Variants in ZNF365 observed in about 807,000 individuals in gnomAD.
The protein encoded by ZNF365 is zinc finger protein 365, also known as protein ZNF365.
ZNF365 carries 22 observed loss-of-function variants against 35.0 expected under a neutral mutation model. The ratio of observed to expected loss-of-function variants is 0.63; its 90% CI spans 0.45 to 0.90. The LOEUF (loss-of-function observed/expected upper bound fraction) is 0.90. Among genes scored for constraint, ZNF365 ranks in the 40% least tolerant of loss-of-function variants. The pLI is 0.00. For synonymous variants in ZNF365, 188 were observed against 196.2 expected, an observed-to-expected ratio of 0.96 and a Z score of 0.35; for missense variants, 448 against 500.3, an observed-to-expected ratio of 0.90 and a Z score of 1.00.
In ZNF365 at chr10:62,399,788, A is replaced by G; in HGVS notation, c.1223A>G (p.Ter408=). ...KKPTAIVNII[*] ...CCAACAGCCATTGTGAACATCATCT[A>G]AAAGGGTGGGTGGTGCTGGACCAAT... is the stretch of plus-strand genomic sequence containing the variant. Residue 408 remains the stop codon, a stop_retained_variant, in exon 5 of 5, where the codon TAA becomes TGA. Coordinates refer to ENST00000395254, the MANE Select transcript of ZNF365 (RefSeq NM_014951.3). 1 of 1,611,444 alleles carries G rather than the reference A, an allele frequency of 6.2e-7. No homozygotes were observed. The highest frequency in any genetic ancestry group is 1.1e-5 in the South Asian group (1 of 90,938).
chr10:62,403,684 C>T (rs187986962), downstream of ZNF365, among the ~76,000 whole-genome samples: 836 of 152,042 alleles, frequency 5.5e-3, 12 homozygotes, highest in African/African-American at 0.019. Context: ...ACAGCAACAA[C>T]AAAAAAAGAA....
intron 3 of ZNF365, among the ~76,000 whole-genome samples, chr10:62,444,919 TC>T (rs1211244879): frequency 6.6e-6 from 1 of 151,760 alleles, no homozygotes; most frequent in Non-Finnish European, 1.5e-5. Flanking sequence ...ATGCTATCCC[TC>T]CCCCCTCTCC....
chr10:62,419,676 A>C (rs1840135776), intron 3 of ZNF365, among the ~76,000 whole-genome samples: 1 of 152,180 alleles, frequency 6.6e-6, no homozygotes, highest in East Asian at 1.9e-4. Context: ...AACAGCAAAC[A>C]GTTTTGAAAG....
chr10:62,402,874 T>C (rs866511365), downstream of ZNF365, among the ~76,000 whole-genome samples: 10 of 152,194 alleles, frequency 6.6e-5, no homozygotes, highest in South Asian at 6.2e-4. Flanking sequence ...GAGAGAAGTA[T>C]GTGTCTGGTG....
chr10:62,436,911 C>CA (rs1474940777), intron 3 of ZNF365, among the ~76,000 whole-genome samples: 2 of 150,178 alleles, frequency 1.3e-5, no homozygotes, highest in East Asian at 1.9e-4. Flanking sequence ...ACGAGTGCTC[C>CA]AAAAAATGTG....
At chr10:62,422,874 G>A (rs966294173) in intron 3 of ZNF365, among the ~76,000 whole-genome samples, 2 of 152,104 alleles carry the variant, frequency 1.3e-5, no homozygotes, top group Non-Finnish European at 2.9e-5. Flanking sequence ...ACTAAGTTGT[G>A]TGAGTACCTG....
chr10:62,465,240 C>T (rs1354739489), intron 4 of ZNF365, among the ~76,000 whole-genome samples: 1 of 152,244 alleles, frequency 6.6e-6, no homozygotes, highest in East Asian at 1.9e-4. Flanking sequence ...AGCGCTGACA[C>T]ACCAGTCGCC....
chr10:62,448,513 G>T (rs1004606595), intron 3 of ZNF365, among the ~76,000 whole-genome samples: 1 of 152,114 alleles, frequency 6.6e-6, no homozygotes, highest in African/African-American at 2.4e-5. Flanking sequence ...TGTTAAATGC[G>T]CCTGTAAATT....
chr10:62,407,663 G>T (rs1268430520), intron 3 of ZNF365, among the ~76,000 whole-genome samples: 1 of 152,150 alleles, frequency 6.6e-6, no homozygotes, highest in African/African-American at 2.4e-5. Flanking sequence ...TGCTGTCTCA[G>T]TGTATTGAAC....
chr10:62,478,483 A>G (rs1345768052), intron 4 of ZNF365, among the ~76,000 whole-genome samples: 1 of 152,256 alleles, frequency 6.6e-6, no homozygotes, highest in Non-Finnish European at 1.5e-5. Context: ...AAAGAATTAT[A>G]GAACATGATC....
chr10:62,374,605 ATGTGCACACGAATCCACTCTGGCACC>A (rs1164539895), intron 1 of ZNF365, 147 bp downstream of exon 1: 6 of 152,238 alleles, frequency 3.9e-5, no homozygotes, highest in African/African-American at 1.4e-4. Flanking sequence ...GCAGGAACTC[ATGTGCACACGAATCCACTCTGGCACC>A]CGTGGGCTGG....
intron 3 of ZNF365, among the ~76,000 whole-genome samples, chr10:62,398,453 C>G (rs371709694): frequency 1.1e-4 from 17 of 152,176 alleles, no homozygotes; most frequent in East Asian, 9.6e-4. Context: ...TGTTGCTCTA[C>G]TGGGGGGCTC....
At chr10:62,450,702 CA>C (rs1233361260) in intron 3 of ZNF365, among the ~76,000 whole-genome samples, 1 of 152,110 alleles carries the variant, frequency 6.6e-6, no homozygotes, top group Non-Finnish European at 1.5e-5. Context: ...TGAATAACAA[CA>C]AAGAAACTAG....
chr10:62,470,956 A>G (rs1011290025), intron 4 of ZNF365, among the ~76,000 whole-genome samples: 2 of 149,936 alleles, frequency 1.3e-5, no homozygotes, highest in African/African-American at 4.9e-5. Flanking sequence ...ATATACCTTC[A>G]TCAGTTTCTT....
At chr10:62,435,738 C>T (rs1393604722) in intron 3 of ZNF365, among the ~76,000 whole-genome samples, 1 of 152,190 alleles carries the variant, frequency 6.6e-6, no homozygotes, top group Non-Finnish European at 1.5e-5. Context: ...AGCTACATTT[C>T]CATCCAGACT....
intron 4 of ZNF365, among the ~76,000 whole-genome samples, chr10:62,470,681 C>G (rs367964605): frequency 2.6e-5 from 4 of 152,282 alleles, no homozygotes; most frequent in African/African-American, 9.6e-5. Flanking sequence ...TGTTTAGATA[C>G]TCATTGTGTA....
At chr10:62,463,151 T>C (rs1185853029) in intron 4 of ZNF365, among the ~76,000 whole-genome samples, 1 of 152,198 alleles carries the variant, frequency 6.6e-6, no homozygotes, top group Non-Finnish European at 1.5e-5. Flanking sequence ...AAAATCACTT[T>C]ATTAGGCTCA....
intron 4 of ZNF365, among the ~76,000 whole-genome samples, chr10:62,473,530 T>C (rs1841078246): frequency 6.6e-6 from 1 of 152,150 alleles, no homozygotes; most frequent in Non-Finnish European, 1.5e-5. Flanking sequence ...GTTCTACTAT[T>C]AGTTAGTTAC....
intron 3 of ZNF365, among the ~76,000 whole-genome samples, chr10:62,396,005 A>T (rs2132425544): frequency 6.6e-6 from 1 of 152,310 alleles, no homozygotes; most frequent in Middle Eastern, 3.4e-3. Context: ...AGAAAATGGA[A>T]GTAGGTAGAT....
Sources: allele counts gnomAD v4.1 joint callset (sites outside exome capture counted in the v4.1 genomes callset), GRCh38; gene constraint gnomAD v4.1.1; transcripts MANE v1.5; gene names NCBI Gene and HGNC (gene_info 2026-07-23, HGNC 2026-07-21).